Variants in SLC4A10 observed in about 807,000 individuals in gnomAD.
The protein encoded by SLC4A10 is sodium-driven chloride bicarbonate exchanger.
SLC4A10 carries 42 observed loss-of-function variants against 137.7 expected under a neutral mutation model. The observed-to-expected ratio is 0.30, with a 90% CI of 0.24 to 0.39. The LOEUF (loss-of-function observed/expected upper bound fraction) is 0.39, where lower values mean the gene tolerates loss of function less well. Ranked by LOEUF, SLC4A10 falls within the 10% of genes least tolerant of loss-of-function variation. The pLI, the probability that SLC4A10 is intolerant of heterozygous loss-of-function variation, is 1.00. For missense variants in SLC4A10, 925 were observed against 1,355.0 expected (o/e 0.68, Z 4.98); for synonymous variants, 474 against 464.1 (o/e 1.02, Z -0.27).
chr2:161,626,743 T>A (rs895740634), intron 1 of SLC4A10, among the ~76,000 whole-genome samples: 1 of 152,162 alleles, frequency 6.6e-6, no homozygotes, highest in African/African-American at 2.4e-5. Context: ...GATCACCCAG[T>A]GATGAAACCA....
chr2:161,961,376 C>T (rs560203421), intron 21 of SLC4A10, among the ~76,000 whole-genome samples: 1 of 152,214 alleles, frequency 6.6e-6, no homozygotes, highest in South Asian at 2.1e-4. Context: ...GAAAAATGAA[C>T]TGGGAGAGGG....
At chr2:161,660,589 T>TTTCTTTCTTTC (rs1553479847) in intron 1 of SLC4A10, among the ~76,000 whole-genome samples, 2 of 139,946 alleles carry the variant, frequency 1.4e-5, no homozygotes, top group Non-Finnish European at 3.2e-5. Flanking sequence ...TCTTTCTTTC[T>TTTCTTTCTTTC]TTCTTTCTTT....
At chr2:161,776,228 G>C (rs2052314842) in intron 2 of SLC4A10, among the ~76,000 whole-genome samples, 1 of 151,798 alleles carries the variant, frequency 6.6e-6, no homozygotes, top group African/African-American at 2.4e-5. Context: ...CCCCTCAGAG[G>C]CATACTGATT....
rs747124273 is a variant in SLC4A10 at position 161,964,323 on chromosome 2, T to C, written c.3036+15T>C. On this transcript the variant is annotated intron_variant, in intron 22 of 26. Coordinates refer to ENST00000446997, the MANE Select transcript of SLC4A10 (RefSeq NM_001178015.2). Reference sequence around the variant, plus strand: ...TTCCCATGATGGTATGAAACTTCTGTCAACTATTTTTCTCTTTCTCTGATT... The same window carrying C: ...TTCCCATGATGGTATGAAACTTCTGCCAACTATTTTTCTCTTTCTCTGATT... 1.9e-6 allele frequency: 3 copies of C among 1,612,202 alleles called. No homozygotes were observed. The highest frequency in any genetic ancestry group is 1.7e-5 in the Admixed American group (1 of 59,790).
chr2:161,678,668 C>T (rs557422405), intron 1 of SLC4A10, among the ~76,000 whole-genome samples: 14 of 152,138 alleles, frequency 9.2e-5, no homozygotes, highest in African/African-American at 2.9e-4. Context: ...ATGTCTATTA[C>T]CATAGATTAG....
intron 3 of SLC4A10, among the ~76,000 whole-genome samples, chr2:161,827,515 T>C (rs1275407472): frequency 6.6e-6 from 1 of 152,174 alleles, no homozygotes; most frequent in Non-Finnish European, 1.5e-5. Context: ...TATATCATCA[T>C]TATAACCATC....
rs1221997073 is a variant in SLC4A10, at chr2:161,873,939, G to A, written c.882G>A (p.Gly294=). 5.0e-6 allele frequency: 8 copies of A among 1,594,380 alleles called. No individual in the cohort carries two copies. Among genetic ancestry groups the A allele is most frequent in the Admixed American group, 1.7e-5 (1 of 59,564 alleles). The change falls in exon 8 of 27, where the codon GGG becomes GGA. Residue 294 remains glycine (G), a synonymous_variant. Transcript: ENST00000446997. The part of the protein sequence containing the change: ...FSKGLGGQQK[G]HTSPCGMKQR... Reference sequence around the variant, plus strand: ...AGGGACTGGGAGGCCAACAAAAGGGGCATACTAGTCCATGTGGGATGAAAC... The same window carrying A: ...AGGGACTGGGAGGCCAACAAAAGGGACATACTAGTCCATGTGGGATGAAAC...
At chr2:161,812,502 AC>A (rs1240787193) in intron 3 of SLC4A10, among the ~76,000 whole-genome samples, 2 of 151,742 alleles carry the variant, frequency 1.3e-5, no homozygotes, top group South Asian at 2.1e-4. Flanking sequence ...CAATTTTACA[AC>A]CCTTGTTCCC....
At position 161,852,365 on chromosome 2, in the gene SLC4A10, C is replaced by T. The variant is rs184937329; in HGVS notation, c.417-2605C>T. 4.3e-3 allele frequency among the ~76,000 whole-genome samples: 649 copies of T among 152,232 alleles called. 4 individuals carry two copies. The highest frequency in any genetic ancestry group is 6.8e-3 in the Middle Eastern group (2 of 294). On this transcript the variant is annotated intron_variant, in intron 4 of 26. Coordinates refer to ENST00000446997, the MANE Select transcript of SLC4A10 (RefSeq NM_001178015.2). ...TCTCCCTTCCTTTTGCTCTTTTTAT[C>T]TGAAATCCACAGCATATGTCAGTAG...
At chr2:161,655,837 C>T (rs4580395) in intron 1 of SLC4A10, among the ~76,000 whole-genome samples, 118,497 of 149,336 alleles carry the variant, frequency 0.79, 47,222 homozygotes, top group East Asian at 0.85. Context: ...TTTTTGGAGA[C>T]GGAGTCTCGC....
At chr2:161,686,279 G>T (rs1277027373) in intron 1 of SLC4A10, among the ~76,000 whole-genome samples, 2 of 151,832 alleles carry the variant, frequency 1.3e-5, no homozygotes, top group Non-Finnish European at 2.9e-5. Flanking sequence ...TGTTCTTATG[G>T]GTAAAGAAAG....
At chr2:161,658,898 T>G (rs2037924100) in intron 1 of SLC4A10, among the ~76,000 whole-genome samples, 2 of 152,246 alleles carry the variant, frequency 1.3e-5, no homozygotes, top group Non-Finnish European at 2.9e-5. Flanking sequence ...GCCAGTTTTG[T>G]ATTTCTTTTT....
intron 1 of SLC4A10, among the ~76,000 whole-genome samples, chr2:161,699,733 G>A (rs2042939867): frequency 6.6e-6 from 1 of 152,142 alleles, no homozygotes; most frequent in African/African-American, 2.4e-5. Flanking sequence ...ATGTAATCAA[G>A]GAAGGTTTCA....
intron 1 of SLC4A10, among the ~76,000 whole-genome samples, chr2:161,707,657 C>A: frequency 6.6e-6 from 1 of 151,338 alleles, no homozygotes; most frequent in Non-Finnish European, 1.5e-5. Context: ...AAATAAGACA[C>A]AGTGAAAATC....
intron 3 of SLC4A10, among the ~76,000 whole-genome samples, chr2:161,815,667 T>A (rs994357029): frequency 1.3e-5 from 2 of 152,168 alleles, no homozygotes; most frequent in African/African-American, 4.8e-5. Flanking sequence ...ATGCTAGGCT[T>A]CAACCTCAAG....
At chr2:161,851,130 T>A (rs762380720) in intron 4 of SLC4A10, among the ~76,000 whole-genome samples, 1 of 152,222 alleles carries the variant, frequency 6.6e-6, no homozygotes, top group Admixed American at 6.5e-5. Flanking sequence ...TATGGCTAAG[T>A]ATGTGGTCAA....
intron 3 of SLC4A10, among the ~76,000 whole-genome samples, chr2:161,828,700 C>T (rs1189582524): frequency 3.6e-5 from 5 of 139,666 alleles, no homozygotes; most frequent in African/African-American, 1.3e-4. Flanking sequence ...TGTTTTACTG[C>T]TTACCCGGGA....
intron 1 of SLC4A10, among the ~76,000 whole-genome samples, chr2:161,702,470 C>G (rs1189489982): frequency 1.3e-5 from 2 of 151,704 alleles, no homozygotes; most frequent in African/African-American, 4.8e-5. Context: ...AATAAGTTGA[C>G]ACATTAAAAA....
chr2:161,932,905 AC>A (rs1690676748), intron 15 of SLC4A10, among the ~76,000 whole-genome samples: 1 of 151,830 alleles, frequency 6.6e-6, no homozygotes, highest in Non-Finnish European at 1.5e-5. Flanking sequence ...CCTGATAACC[AC>A]CATTCTACTT....
Sources: gnomAD v4.1 joint callset for allele counts (sites outside exome capture counted in the v4.1 genomes callset) on GRCh38, gnomAD v4.1.1 for gene constraint, MANE v1.5 for transcripts, NCBI Gene and HGNC (gene_info 2026-07-23, HGNC 2026-07-21) for gene names.